FAF1: variants seen among roughly 807,000 people sequenced by gnomAD.
FAF1 encodes the protein FAS-associated factor 1.
Under a neutral mutation model 92.5 loss-of-function variants are expected in FAF1, and 25 were observed. That is an observed-to-expected ratio of 0.27 (90% confidence interval 0.20 to 0.38). The LOEUF is 0.38. FAF1 is among the 10% of genes least tolerant of loss of function. The pLI, the probability that FAF1 is intolerant of heterozygous loss-of-function variation, is 1.00. For synonymous variants in FAF1, 234 were observed against 273.2 expected (o/e 0.86, Z 1.42); for missense variants, 636 against 793.3 (o/e 0.80, Z 2.38).
chr1:50,872,294 A>G (rs1375979256), intron 1 of FAF1, among the ~76,000 whole-genome samples: 2 of 152,206 alleles, frequency 1.3e-5, no homozygotes, highest in African/African-American at 4.8e-5. Context: ...GAGGGATTCA[A>G]GACTTCAGCA....
intron 1 of FAF1, among the ~76,000 whole-genome samples, chr1:50,906,143 C>G: frequency 6.6e-6 from 1 of 152,134 alleles, no homozygotes; most frequent in East Asian, 1.9e-4. Flanking sequence ...GGAATCCTTT[C>G]CCCATTTCTT....
In FAF1 at chr1:50,757,279, TTG is replaced by T. The variant is rs1660114176; in HGVS notation, c.368-12506_368-12505del. On this transcript the variant is annotated intron_variant, in intron 4 of 18. Coordinates refer to ENST00000396153, the MANE Select transcript of FAF1 (RefSeq NM_007051.3). ...TTGGTTTCTATGCTGTTCAGATTTT[TTG>T]TCTGTTGTTCTGAACATTATAATGA... Among the ~76,000 whole-genome samples, 6 of 152,350 alleles carry T rather than the reference TTG, an allele frequency of 3.9e-5. No individual in the cohort carries two copies. In the South Asian group the frequency reaches 1.2e-3, roughly 32 times the overall value.
chr1:50,543,054 T>A (rs555800352), intron 13 of FAF1, among the ~76,000 whole-genome samples: 1 of 152,208 alleles, frequency 6.6e-6, no homozygotes, highest in East Asian at 1.9e-4. Flanking sequence ...GAATATCTGA[T>A]GGTTAGCATG....
intron 1 of FAF1, among the ~76,000 whole-genome samples, chr1:50,936,630 T>C (rs532925380): frequency 1.7e-4 from 26 of 152,296 alleles, no homozygotes; most frequent in African/African-American, 6.3e-4. Flanking sequence ...CAATTTAATA[T>C]GAAATTCAAA....
rs1415348378 is a variant in FAF1, at chr1:50,803,360, A to C, written c.115-1683T>G. ...AATGGGAAGAATACTAAGGACTCAGAAAGTCTAAAGTCTGAAACCAGGCTC... is the reference window on the plus strand; with the variant it reads ...AATGGGAAGAATACTAAGGACTCAGCAAGTCTAAAGTCTGAAACCAGGCTC... On this transcript the variant is annotated intron_variant, in intron 2 of 18. Transcript: ENST00000396153. Among the ~76,000 whole-genome samples the C allele has an allele frequency of 3.3e-5, 5 of 152,334 alleles. No homozygotes were observed. In the South Asian group the frequency reaches 6.2e-4, roughly 19 times the overall value.
chr1:50,519,378 GGGAGGGAGGGAGGGAGGGAA>G lies in FAF1; in HGVS notation c.1494+15971_1494+15990del, dbSNP rs1647377744. On this transcript the variant is annotated intron_variant, in intron 15 of 18. Coordinates refer to ENST00000396153, the MANE Select transcript of FAF1 (RefSeq NM_007051.3). ...AAGGAAGGAAGGAAGGAAGGAGGGA[GGGAGGGAGGGAGGGAGGGAA>G]GGAGGGAGGGAGGGAGAGAAGGAAG... Among the ~76,000 whole-genome samples the G allele has an allele frequency of 9.4e-5, 6 of 63,570 alleles. No individual in the cohort carries two copies. In the South Asian group the frequency reaches 2.1e-3, roughly 22 times the overall value. 41.7% of individuals were successfully genotyped at this position (63,570 alleles called of 152,430 possible). A position where few individuals can be genotyped will look rare whatever the true frequency, so the allele number is the denominator to read the frequency against.
At chr1:50,839,555 G>C (rs941808956) in intron 2 of FAF1, among the ~76,000 whole-genome samples, 7 of 152,096 alleles carry the variant, frequency 4.6e-5, no homozygotes, top group Non-Finnish European at 1.0e-4. Context: ...ATCAGATTTT[G>C]CTAATTCTAA....
At chr1:50,483,467 T>G (rs958161266) in intron 17 of FAF1, among the ~76,000 whole-genome samples, 1 of 152,214 alleles carries the variant, frequency 6.6e-6, no homozygotes, top group Non-Finnish European at 1.5e-5. Context: ...GTTCTATTGC[T>G]TTTTCATATA....
At chr1:50,551,857 T>C (rs1247456464) in intron 13 of FAF1, among the ~76,000 whole-genome samples, 1 of 152,180 alleles carries the variant, frequency 6.6e-6, no homozygotes, top group Non-Finnish European at 1.5e-5. Flanking sequence ...CCTGTTAACA[T>C]TTTCATAAAT....
At chr1:50,901,947 C>T (rs1644800367) in intron 1 of FAF1, among the ~76,000 whole-genome samples, 1 of 152,210 alleles carries the variant, frequency 6.6e-6, no homozygotes, top group Non-Finnish European at 1.5e-5. Context: ...TTTAGAACAG[C>T]TCTTCAAGCA....
At chr1:50,752,047 G>A (rs1170381001) in intron 4 of FAF1, among the ~76,000 whole-genome samples, 1 of 152,104 alleles carries the variant, frequency 6.6e-6, no homozygotes, top group Non-Finnish European at 1.5e-5. Flanking sequence ...TTGGCTCACT[G>A]CAACCTCCGC....
At chr1:50,648,461 A>C (rs1323772743) in intron 8 of FAF1, among the ~76,000 whole-genome samples, 1 of 152,228 alleles carries the variant, frequency 6.6e-6, no homozygotes, top group East Asian at 1.9e-4. Flanking sequence ...TCATTCAACA[A>C]ATATTTATCA....
chr1:50,574,139 C>T lies in FAF1; in HGVS notation c.1114-6908G>A, dbSNP rs140770493. Among the ~76,000 whole-genome samples, 74 of 152,228 alleles carry T rather than the reference C, an allele frequency of 4.9e-4. 1 individual carries two copies. The highest frequency in any genetic ancestry group is 1.7e-3 in the African/African-American group (70 of 41,546). On this transcript the variant is annotated intron_variant, in intron 12 of 18. Transcript: ENST00000396153. ...AGACTCTGTCTAAAAAAAGAAAAGC[C>T]TAAAGTAAAATCAAACTCTCAAAAT...
intron 8 of FAF1, among the ~76,000 whole-genome samples, chr1:50,640,789 C>G (rs1320274124): frequency 7.0e-6 from 1 of 142,074 alleles, no homozygotes; most frequent in Non-Finnish European, 1.5e-5. Flanking sequence ...TATCTAGTCT[C>G]TTTTTCTCTT....
At chr1:50,746,678 A>G (rs1251509307) in intron 4 of FAF1, among the ~76,000 whole-genome samples, 2 of 152,180 alleles carry the variant, frequency 1.3e-5, no homozygotes. Context: ...GTAGAAAAGA[A>G]AAGCCAATTT....
intron 6 of FAF1, among the ~76,000 whole-genome samples, chr1:50,720,946 CCATATAAGTTTCAAT>C (rs1437027479): frequency 1.3e-5 from 2 of 152,112 alleles, no homozygotes; most frequent in African/African-American, 4.8e-5. Flanking sequence ...GCTCAGGATG[CCATATAAGTTTCAAT>C]CATTTGATCA....
intron 6 of FAF1, among the ~76,000 whole-genome samples, chr1:50,737,559 G>A (rs1265832994): frequency 6.6e-6 from 1 of 152,120 alleles, no homozygotes; most frequent in Non-Finnish European, 1.5e-5. Context: ...TGGACCATAA[G>A]TTTGTAGTTT....
chr1:50,955,562 T>C (rs1031799460), intron 1 of FAF1, among the ~76,000 whole-genome samples: 1 of 152,350 alleles, frequency 6.6e-6, no homozygotes, highest in Non-Finnish European at 1.5e-5. Context: ...GCAGCCACTA[T>C]AGAAAACAAT....
rs367627801 is a variant in FAF1, at chr1:50,882,755, G to A, written c.46-24758C>T. ...AATCCCAGCACTTTGGGAGGCCAAC[G>A]TGGGCAGATCACCTGAGGTCAGGAG... On this transcript the variant is annotated intron_variant, in intron 1 of 18. Transcript: ENST00000396153. Among the ~76,000 whole-genome samples the A allele has an allele frequency of 8.6e-5, 13 of 152,022 alleles. 1 individual carries two copies. Among genetic ancestry groups the A allele is most frequent in the African/African-American group, 2.9e-4 (12 of 41,502 alleles).
Sources: allele counts gnomAD v4.1 joint callset (sites outside exome capture counted in the v4.1 genomes callset), GRCh38; gene constraint gnomAD v4.1.1; transcripts MANE v1.5; gene names NCBI Gene and HGNC (gene_info 2026-07-23, HGNC 2026-07-21).